Variants in LYST observed in about 807,000 individuals in gnomAD.
The protein encoded by LYST is lysosomal-trafficking regulator.
Under a neutral mutation model 413.6 loss-of-function variants are expected in LYST, and 192 were observed. The observed-to-expected ratio is 0.46, with a 90% CI of 0.41 to 0.52. The LOEUF is 0.52. LYST is among the 20% of genes least tolerant of loss of function. LYST has a pLI of 0.00. For missense variants in LYST, 3,815 were observed against 4,499.9 expected (o/e 0.85, Z 4.35); for synonymous variants, 1,525 against 1,567.3 (o/e 0.97, Z 0.64).
chr1:235,718,133 G>A (rs10802966), intron 40 of LYST, among the ~76,000 whole-genome samples: 61,334 of 151,360 alleles, frequency 0.41, 13,087 homozygotes, highest in African/African-American at 0.49. Flanking sequence ...CAAAGTGCTG[G>A]GATTACAGGC....
chr1:235,800,262 T>A, intron 10 of LYST, 58 bp downstream of exon 10: 1 of 1,160,426 alleles, frequency 8.6e-7, no homozygotes, highest in Non-Finnish European at 1.3e-6. Context: ...AAGCCATTAT[T>A]ATCAACTTTT....
chr1:235,749,572 G>A (rs1666272385), intron 28 of LYST, among the ~76,000 whole-genome samples: 1 of 152,086 alleles, frequency 6.6e-6, no homozygotes, highest in African/African-American at 2.4e-5. Flanking sequence ...CTTAAGATGA[G>A]GAAGCTGGAC....
At chr1:235,792,546 C>T (rs1671121166) in intron 11 of LYST, among the ~76,000 whole-genome samples, 1 of 152,110 alleles carries the variant, frequency 6.6e-6, no homozygotes, top group Admixed American at 6.5e-5. Context: ...CACTCCTGAC[C>T]TCAGGTGATC....
chr1:235,757,635 GA>G (rs1667166121), intron 23 of LYST, among the ~76,000 whole-genome samples, 177 bp from the exon 24 acceptor site: 1 of 152,088 alleles, frequency 6.6e-6, no homozygotes, highest in Non-Finnish European at 1.5e-5. Flanking sequence ...TTTTATCATT[GA>G]TTTTTTTGGG....
chr1:235,779,518 T>A (rs1669643458), intron 16 of LYST, among the ~76,000 whole-genome samples: 1 of 152,192 alleles, frequency 6.6e-6, no homozygotes, highest in Non-Finnish European at 1.5e-5. Flanking sequence ...TTCTTAAAAA[T>A]GTAAATTCCA....
intron 3 of LYST, among the ~76,000 whole-genome samples, chr1:235,818,063 T>C (rs927988159): frequency 1.3e-5 from 2 of 152,326 alleles, no homozygotes; most frequent in African/African-American, 4.8e-5. Context: ...ATTTGTCATT[T>C]CATGATTATT....
intron 1 of LYST, among the ~76,000 whole-genome samples, chr1:235,861,519 TTA>T (rs982090812): frequency 3.9e-5 from 6 of 152,200 alleles, no homozygotes; most frequent in Admixed American, 2.6e-4. Flanking sequence ...CAGTTTATAA[TTA>T]GTTATTAATC....
At chr1:235,796,754 A>G (rs1671593701) in intron 10 of LYST, among the ~76,000 whole-genome samples, 1 of 152,220 alleles carries the variant, frequency 6.6e-6, no homozygotes, top group Non-Finnish European at 1.5e-5. Context: ...AGATGCTGGC[A>G]CTTTGATCTT....
At chr1:235,880,661 C>T (rs1681338217) in intron 1 of LYST, among the ~76,000 whole-genome samples, 1 of 152,194 alleles carries the variant, frequency 6.6e-6, no homozygotes, top group Non-Finnish European at 1.5e-5. Flanking sequence ...CTTTCCTTCT[C>T]TGTGCCTATT....
intron 22 of LYST, among the ~76,000 whole-genome samples, chr1:235,761,698 A>C (rs1392428627): frequency 1.3e-5 from 2 of 151,760 alleles, no homozygotes; most frequent in African/African-American, 4.8e-5. Context: ...TAACTGCTGA[A>C]GTTATTGGCT....
intron 47 of LYST, among the ~76,000 whole-genome samples, chr1:235,690,944 T>G (rs1660600442): frequency 6.7e-6 from 1 of 149,420 alleles, no homozygotes; most frequent in African/African-American, 2.5e-5. Context: ...TGAGACAGAG[T>G]CTCGTTCTGT....
Position 235,674,937 on chromosome 1 carries a change from G to T in LYST, c.11038+2154C>A, listed in dbSNP as rs925542199. 1.3e-5 allele frequency among the ~76,000 whole-genome samples: 2 copies of T among 152,172 alleles called. No homozygotes were observed. The highest frequency in any genetic ancestry group is 2.9e-5 in the Non-Finnish European group (2 of 68,040). On this transcript the variant is annotated intron_variant, in intron 50 of 52. Transcript: ENST00000389793. This position sits in a 1 kb window ranked among gnomAD's most constrained non-coding sequence, Gnocchi z 4.1. ...AGTGTACTCATTCTTGTAAGTTGCT[G>T]CATCATACCTTGTATTCGTGGATCA...
chr1:235,845,737 C>T lies in LYST; in HGVS notation c.-97-12070G>A, dbSNP rs924460534. 5.9e-5 allele frequency among the ~76,000 whole-genome samples: 9 copies of T among 152,038 alleles called. No homozygotes were observed. In the East Asian group the frequency reaches 1.7e-3, roughly 29 times the overall value. ...GGCTTTCCCCCACTTCCCTGACAAC[C>T]TTCATGACTCAGCAGAGGCAGCCAT... On this transcript the variant is annotated intron_variant, in intron 1 of 52. Transcript: ENST00000389793.
At chr1:235,708,167 A>G (rs1256360337) in intron 44 of LYST, among the ~76,000 whole-genome samples, 2 of 152,286 alleles carry the variant, frequency 1.3e-5, no homozygotes, top group East Asian at 1.9e-4. Flanking sequence ...TATTATTATT[A>G]TATAAATGGA....
intron 1 of LYST, among the ~76,000 whole-genome samples, chr1:235,858,038 C>T (rs1022503538): frequency 6.6e-6 from 1 of 152,160 alleles, no homozygotes; most frequent in African/African-American, 2.4e-5. Context: ...GTATGACTAT[C>T]TTCCTTTCCA....
At chr1:235,881,522 C>T (rs894930099) in intron 1 of LYST, among the ~76,000 whole-genome samples, 6 of 152,046 alleles carry the variant, frequency 3.9e-5, no homozygotes, top group African/African-American at 1.2e-4. Context: ...ATTGGTACAC[C>T]CATGTTCATA....
At chr1:235,712,381 T>C in intron 42 of LYST, 184 bp from the exon 43 acceptor site, 2 of 541,878 alleles carry the variant, frequency 3.7e-6, no homozygotes, top group Non-Finnish European at 3.2e-6. Context: ...TGAGATCATA[T>C]TACATTTTTC....
chr1:235,710,738 A>G (rs1662343933), intron 43 of LYST, among the ~76,000 whole-genome samples: 1 of 152,200 alleles, frequency 6.6e-6, no homozygotes, highest in Non-Finnish European at 1.5e-5. Flanking sequence ...GGAAGAATAC[A>G]GTGGAAGTGA....
intron 31 of LYST, among the ~76,000 whole-genome samples, chr1:235,740,966 C>G (rs994220882): frequency 6.6e-6 from 1 of 152,060 alleles, no homozygotes; most frequent in Non-Finnish European, 1.5e-5. Flanking sequence ...CTCTGAAATT[C>G]TTTTAGGTAT....
Sources: gnomAD v4.1 joint callset for allele counts (sites outside exome capture counted in the v4.1 genomes callset) on GRCh38, gnomAD v4.1.1 for gene constraint, Gnocchi (gnomAD v3.1) non-coding constraint, MANE v1.5 for transcripts, NCBI Gene and HGNC (gene_info 2026-07-23, HGNC 2026-07-21) for gene names.